Variants in MAGI3 observed in about 807,000 individuals in gnomAD.
The protein encoded by MAGI3 is membrane-associated guanylate kinase, WW and PDZ domain-containing protein 3.
In MAGI3, 43 loss-of-function variants were observed where a neutral mutation model predicts 121.8. The observed-to-expected ratio is 0.35, with a 90% confidence interval of 0.28 to 0.46. MAGI3 has a LOEUF of 0.46. MAGI3 is among the 20% of genes least tolerant of loss of function. MAGI3 has a pLI of 1.00. For synonymous variants in MAGI3, 553 were observed against 639.3 expected, an observed-to-expected ratio of 0.86 and a Z score of 2.04; for missense variants, 1,547 against 1,797.3, an observed-to-expected ratio of 0.86 and a Z score of 2.52.
intron 1 of MAGI3, among the ~76,000 whole-genome samples, chr1:113,509,695 T>C (rs1178454668): frequency 8.2e-6 from 1 of 121,982 alleles, no homozygotes; most frequent in Non-Finnish European, 1.7e-5. Flanking sequence ...AAAGCTTTTT[T>C]TCGTACAAAA....
At chr1:113,415,655 A>G (rs888559117) in intron 1 of MAGI3, among the ~76,000 whole-genome samples, 2 of 151,994 alleles carry the variant, frequency 1.3e-5, no homozygotes, top group Admixed American at 6.6e-5. Context: ...TCAGTTTAGC[A>G]TGCAAATCTT....
rs778246161 is a variant in MAGI3 at position 113,580,674 on chromosome 1, A to ATT, written c.553+14_553+15insTT. ...GGGACATATGATGGTATGTCCCCAA[A>ATT]TAACATCACTACCACCCAAAAAACT... On this transcript the variant is annotated intron_variant, in intron 3 of 20. Coordinates refer to ENST00000307546, the MANE Select transcript of MAGI3 (RefSeq NM_001142782.2). The ATT allele has an allele frequency of 6.3e-7, 1 of 1,593,332 alleles. No homozygotes were observed. The highest frequency in any genetic ancestry group is 8.5e-7 in the Non-Finnish European group (1 of 1,170,016).
intron 1 of MAGI3, among the ~76,000 whole-genome samples, chr1:113,398,417 T>C (rs1034285773): frequency 1.3e-5 from 2 of 152,204 alleles, no homozygotes; most frequent in African/African-American, 4.8e-5. Context: ...TCTTTTCTAT[T>C]TGGAGGCTTC....
chr1:113,421,212 G>C (rs1008598899), intron 1 of MAGI3, among the ~76,000 whole-genome samples: 1 of 152,138 alleles, frequency 6.6e-6, no homozygotes, highest in South Asian at 2.1e-4. Context: ...CATGGTTTCT[G>C]TAGCTTCTTC....
chr1:113,631,219 A>G (rs896460821), intron 9 of MAGI3, among the ~76,000 whole-genome samples: 10 of 152,184 alleles, frequency 6.6e-5, no homozygotes, highest in Admixed American at 6.5e-5. Flanking sequence ...GCAATTCCAG[A>G]CTGCCTTTCC....
intron 1 of MAGI3, chr1:113,449,880 T>A (rs1336200953): frequency 3.2e-5 from 48 of 1,519,444 alleles, no homozygotes; most frequent in Non-Finnish European, 4.2e-5. Context: ...TTTTGTGACT[T>A]ATTCTTGTGT....
intron 1 of MAGI3, among the ~76,000 whole-genome samples, chr1:113,477,504 A>G (rs1312874107): frequency 6.6e-6 from 1 of 152,194 alleles, no homozygotes; most frequent in East Asian, 1.9e-4. Context: ...TTGGCTGGAT[A>G]TGAAATTCTG....
chr1:113,405,997 T>G (rs552959010), intron 1 of MAGI3, among the ~76,000 whole-genome samples: 4 of 152,224 alleles, frequency 2.6e-5, no homozygotes, highest in African/African-American at 7.2e-5. Context: ...GTATATATGT[T>G]TTTTTCTGTT....
At chr1:113,450,519 G>GAT in intron 1 of MAGI3, 1 of 1,011,974 alleles carries the variant, frequency 9.9e-7, no homozygotes, top group Non-Finnish European at 1.6e-6. Flanking sequence ...GGTGGTGGAG[G>GAT]ATATGATGGT....
At chr1:113,539,075 A>G (rs1216162182) in intron 1 of MAGI3, among the ~76,000 whole-genome samples, 4 of 152,148 alleles carry the variant, frequency 2.6e-5, no homozygotes, top group Non-Finnish European at 5.9e-5. Context: ...AACAAAAGCT[A>G]TGAAGAAAAA....
chr1:113,586,994 T>C (rs1648402573), intron 4 of MAGI3, among the ~76,000 whole-genome samples: 1 of 152,206 alleles, frequency 6.6e-6, no homozygotes, highest in Non-Finnish European at 1.5e-5. Flanking sequence ...CTACCTCTTA[T>C]GTATAGATAC....
intron 1 of MAGI3, chr1:113,450,435 C>T: frequency 8.8e-7 from 1 of 1,134,844 alleles, no homozygotes; most frequent in Non-Finnish European, 1.3e-6. Context: ...TGGTGTGGTC[C>T]TGGTTATAGT....
Position 113,684,197 on chromosome 1 carries a change from G to T in MAGI3, c.*183G>T. The T allele has an allele frequency of 1.6e-6, 1 of 612,444 alleles. No individual in the cohort carries two copies. The highest frequency in any genetic ancestry group is 3.2e-5 in the South Asian group (1 of 31,524). The allele number at this position is 612,444 out of a possible 1,614,324, so 37.9% of individuals were successfully genotyped here. On this transcript the variant is annotated 3_prime_UTR_variant, in exon 21 of 21. Coordinates refer to ENST00000307546, the MANE Select transcript of MAGI3 (RefSeq NM_001142782.2). ...TTGCTAAGAACCAACTGTCCCCCTG[G>T]CCGGCTGCCCTCCCTCGCTCTCAGG...
chr1:113,390,766 C>T lies in MAGI3; in HGVS notation c.-268C>T. On this transcript the variant is annotated 5_prime_UTR_variant, in exon 1 of 21. Transcript: ENST00000307546. ...TCTGGAACCTCCTGGGGACAATTCC[C>T]TTTTCCTTTCTTCAGCCTAACCCGC... 5.1e-6 allele frequency: 1 copy of T among 196,666 alleles called. No individual in the cohort carries two copies. The highest frequency in any genetic ancestry group is 1.0e-5 in the Non-Finnish European group (1 of 96,594). The allele number at this position is 196,666 out of a possible 1,614,324, so 12.2% of individuals were successfully genotyped here. A position where few individuals can be genotyped will look rare whatever the true frequency, so the allele number is the denominator to read the frequency against.
At chr1:113,539,502 G>C (rs1489730528) in intron 1 of MAGI3, among the ~76,000 whole-genome samples, 2 of 151,550 alleles carry the variant, frequency 1.3e-5, no homozygotes, top group Non-Finnish European at 2.9e-5. Flanking sequence ...ATTTAAGAAT[G>C]AGTTTGTTTT....
At chr1:113,433,149 C>T (rs1214030129) in intron 1 of MAGI3, among the ~76,000 whole-genome samples, 3 of 151,856 alleles carry the variant, frequency 2.0e-5, no homozygotes, top group East Asian at 1.9e-4. Flanking sequence ...TATTAATGGC[C>T]ATTTGTGATA....
intron 6 of MAGI3, among the ~76,000 whole-genome samples, chr1:113,612,977 C>T (rs1392326819): frequency 6.6e-6 from 1 of 152,088 alleles, no homozygotes; most frequent in Non-Finnish European, 1.5e-5. Context: ...TTCCTCCTTA[C>T]TCAGCTCTAT....
At chr1:113,639,483 C>T (rs967076507) in intron 9 of MAGI3, among the ~76,000 whole-genome samples, 1 of 152,216 alleles carries the variant, frequency 6.6e-6, no homozygotes, top group African/African-American at 2.4e-5. Context: ...CTCATTGCAA[C>T]CTCCGCCTCC....
Position 113,681,267 on chromosome 1 carries a change from C to T in MAGI3, c.3259C>T (p.Leu1087Phe). Residue 1087 changes from leucine to phenylalanine, a missense_variant, in exon 20 of 21, where the codon CTC becomes TTC. By Grantham distance (22) the Leu-to-Phe change is conservative (BLOSUM62 0). Transcript: ENST00000307546. ...QGITHTRAIE[L>F]IQAGGNKVLL... is the part of the protein sequence containing the mutation. ...AATCACACATACTCGAGCAATTGAG[C>T]TCATTCAGGCTGGTGGAAATAAAGT... 6.2e-7 allele frequency: 1 copy of T among 1,614,120 alleles called. No homozygotes were observed.
Sources: allele counts gnomAD v4.1 joint callset (sites outside exome capture counted in the v4.1 genomes callset), GRCh38; gene constraint gnomAD v4.1.1; transcripts MANE v1.5; gene names NCBI Gene and HGNC (gene_info 2026-07-23, HGNC 2026-07-21).